Variants in MAPK10 observed in about 807,000 individuals in gnomAD.
MAPK10 encodes mitogen-activated protein kinase 10.
MAPK10 carries 25 observed loss-of-function variants against 59.3 expected under a neutral mutation model. The observed-to-expected ratio is 0.42, with a 90% confidence interval of 0.31 to 0.59. MAPK10 has a LOEUF of 0.59. Among genes scored for constraint, MAPK10 ranks in the 20% least tolerant of loss-of-function variants. MAPK10 has a pLI of 0.15. For synonymous variants in MAPK10, 190 were observed against 200.5 expected, an observed-to-expected ratio of 0.95 and a Z score of 0.44; for missense variants, 351 against 568.9, an observed-to-expected ratio of 0.62 and a Z score of 3.90.
At chr4:86,100,940 C>A (rs2055248711) in intron 8 of MAPK10, 112 bp downstream of exon 8, 9 of 862,520 alleles carry the variant, frequency 1.0e-5, no homozygotes, top group South Asian at 4.4e-5. Flanking sequence ...TGCTATCTGG[C>A]AGCCCTACTT....
chr4:86,136,715 C>T (rs2062222729), intron 4 of MAPK10, among the ~76,000 whole-genome samples: 1 of 151,218 alleles, frequency 6.6e-6, no homozygotes, highest in African/African-American at 2.5e-5. Flanking sequence ...GGACTAGATG[C>T]TCCAATTAAA....
intron 1 of MAPK10, among the ~76,000 whole-genome samples, chr4:86,493,322 T>C (rs1182529235): frequency 6.6e-6 from 1 of 152,106 alleles, no homozygotes; most frequent in Non-Finnish European, 1.5e-5. Context: ...ATCAGGGGTG[T>C]CCTAGTAAGT....
intron 11 of MAPK10, among the ~76,000 whole-genome samples, chr4:86,032,766 T>A (rs2039346885): frequency 6.6e-6 from 1 of 152,206 alleles, no homozygotes; most frequent in Admixed American, 6.5e-5. Flanking sequence ...GCAAAGTATC[T>A]GGCTATGAAA....
chr4:86,343,435 A>G (rs961312095), intron 2 of MAPK10, among the ~76,000 whole-genome samples: 4 of 152,190 alleles, frequency 2.6e-5, no homozygotes, highest in Admixed American at 2.6e-4. Flanking sequence ...ATAGTCTGGC[A>G]GCCTTCCTCA....
intron 3 of MAPK10, among the ~76,000 whole-genome samples, chr4:86,172,406 G>A (rs1243113319): frequency 6.6e-6 from 1 of 150,626 alleles, no homozygotes; most frequent in Non-Finnish European, 1.5e-5. Flanking sequence ...AAAAAATGAT[G>A]AGTTCATGTC....
chr4:86,337,563 T>C (rs913087492), intron 2 of MAPK10, among the ~76,000 whole-genome samples: 6 of 152,230 alleles, frequency 3.9e-5, no homozygotes, highest in African/African-American at 1.2e-4. Flanking sequence ...GGTAGACATC[T>C]GCACCCACCA....
chr4:86,242,055 T>G (rs112628880), intron 2 of MAPK10, among the ~76,000 whole-genome samples: 181 of 152,024 alleles, frequency 1.2e-3, no homozygotes, highest in African/African-American at 2.2e-3. Context: ...GGTGGTGGTG[T>G]TGTTATTGTC....
At chr4:86,553,381 G>A (rs1049290483) in intron 1 of MAPK10, among the ~76,000 whole-genome samples, 1 of 152,194 alleles carries the variant, frequency 6.6e-6, no homozygotes, top group Non-Finnish European at 1.5e-5. Context: ...AAAGCTGAGA[G>A]AGGGCTTGGA....
At chr4:86,157,140 A>G (rs546058337) in intron 4 of MAPK10, among the ~76,000 whole-genome samples, 1 of 152,154 alleles carries the variant, frequency 6.6e-6, no homozygotes, top group East Asian at 1.9e-4. Context: ...CATGCTGATA[A>G]GTAAGAAATA....
intron 1 of MAPK10, among the ~76,000 whole-genome samples, chr4:86,531,007 C>A (rs1757812409): frequency 6.6e-6 from 1 of 152,196 alleles, no homozygotes; most frequent in South Asian, 2.1e-4. Flanking sequence ...GAATCTGGAA[C>A]TGACCAACAC....
chr4:86,030,281 G>A (rs1190086255), intron 12 of MAPK10, among the ~76,000 whole-genome samples: 5 of 152,026 alleles, frequency 3.3e-5, no homozygotes, highest in African/African-American at 7.2e-5. Flanking sequence ...CTCTGGACCA[G>A]TGGAATCTCT....
intron 1 of MAPK10, among the ~76,000 whole-genome samples, chr4:86,460,081 T>A (rs1231909878): frequency 1.3e-5 from 2 of 152,208 alleles, no homozygotes; most frequent in Non-Finnish European, 2.9e-5. Flanking sequence ...TAAATCTTTG[T>A]TCATTTGAAT....
At chr4:86,304,699 T>G (rs1165149645) in intron 2 of MAPK10, among the ~76,000 whole-genome samples, 1 of 152,306 alleles carries the variant, frequency 6.6e-6, no homozygotes, top group East Asian at 1.9e-4. Flanking sequence ...GCCGTATTTC[T>G]TAATTTAATA....
chr4:86,219,307 C>G (rs1252991816), intron 2 of MAPK10, among the ~76,000 whole-genome samples: 1 of 152,150 alleles, frequency 6.6e-6, no homozygotes, highest in Non-Finnish European at 1.5e-5. Flanking sequence ...AAGCACATTA[C>G]TACAAACTTG....
At chr4:86,491,672 T>C (rs1264603151) in intron 1 of MAPK10, among the ~76,000 whole-genome samples, 2 of 152,364 alleles carry the variant, frequency 1.3e-5, no homozygotes, top group East Asian at 1.9e-4. Flanking sequence ...TATCAGTTAA[T>C]AATCCATTTT....
chr4:86,211,778 T>C (rs1187332892), intron 2 of MAPK10, among the ~76,000 whole-genome samples: 4 of 152,120 alleles, frequency 2.6e-5, no homozygotes, highest in South Asian at 4.1e-4. Flanking sequence ...ACAATGTAAA[T>C]GTAATTTATA....
chr4:86,236,975 A>G lies in MAPK10; in HGVS notation c.-6-42568T>C, dbSNP rs551789854. On this transcript the variant is annotated intron_variant, in intron 2 of 13. Transcript: ENST00000641462. ...GCTGCACCTGTTGACCCATCCTCTA[A>G]GTTGCCTCCCCTAGACCCCCCATCC... is the stretch of plus-strand genomic sequence containing the variant. Among the ~76,000 whole-genome samples, 3 of 151,932 alleles carry G rather than the reference A, an allele frequency of 2.0e-5. No individual in the cohort carries two copies. The South Asian group carries it at 6.2e-4, about 32-fold the overall frequency.
At chr4:86,469,687 G>A (rs1044481835) in intron 1 of MAPK10, among the ~76,000 whole-genome samples, 3 of 152,076 alleles carry the variant, frequency 2.0e-5, no homozygotes, top group Non-Finnish European at 2.9e-5. Context: ...TTTAAAGGGG[G>A]CAAAAGCTGA....
chr4:86,040,466 C>G (rs1292224386), intron 11 of MAPK10, among the ~76,000 whole-genome samples: 1 of 151,782 alleles, frequency 6.6e-6, no homozygotes, highest in East Asian at 1.9e-4. Context: ...AAAATGAAAA[C>G]AAATAGAGAA....
Sources: gnomAD v4.1 joint callset for allele counts (sites outside exome capture counted in the v4.1 genomes callset) on GRCh38, gnomAD v4.1.1 for gene constraint, MANE v1.5 for transcripts, NCBI Gene and HGNC (gene_info 2026-07-23, HGNC 2026-07-21) for gene names.